Variants in NPHP4 observed in about 807,000 individuals in gnomAD.
The protein encoded by NPHP4 is nephrocystin 4.
NPHP4 carries 151 observed loss-of-function variants against 155.8 expected under a neutral mutation model. The observed-to-expected ratio is 0.97, with a 90% CI of 0.85 to 1.11. The LOEUF is 1.11. Among genes scored for constraint, NPHP4 ranks in the 50% least tolerant of loss-of-function variants. The pLI, the probability that NPHP4 is intolerant of heterozygous loss-of-function variation, is 0.00. For synonymous variants in NPHP4, 845 were observed against 816.8 expected (o/e 1.03, Z -0.59); for missense variants, 1,956 against 1,925.7 (o/e 1.02, Z -0.29).
At chr1:5,981,498 G>A (rs978222544) in intron 2 of NPHP4, among the ~76,000 whole-genome samples, 1 of 152,126 alleles carries the variant, frequency 6.6e-6, no homozygotes, top group Admixed American at 6.5e-5. Flanking sequence ...AAATGGGACA[G>A]TAAAAGAAAT....
chr1:5,896,984 C>A (rs1428545621), intron 16 of NPHP4, among the ~76,000 whole-genome samples: 1 of 152,188 alleles, frequency 6.6e-6, no homozygotes, highest in Non-Finnish European at 1.5e-5. Flanking sequence ...AGCCGGACAC[C>A]TAACACTGGG....
chr1:5,958,920 T>A (rs1649775184), intron 6 of NPHP4, among the ~76,000 whole-genome samples: 1 of 147,158 alleles, frequency 6.8e-6, no homozygotes, highest in Admixed American at 6.8e-5. Flanking sequence ...ATTTAAAAAG[T>A]TTAAAAAGTA....
Position 5,881,297 on chromosome 1 carries a change from G to A in NPHP4, c.2486-1058C>T, listed in dbSNP as rs551467277. 125 of 152,356 alleles carry A rather than the reference G, an allele frequency of 8.2e-4. 3 individuals carry two copies. The highest frequency in any genetic ancestry group is 1.4e-3 in the South Asian group (7 of 4,832). 9.4% of individuals were successfully genotyped at this position (152,356 alleles called of 1,614,324 possible). On this transcript the variant is annotated intron_variant, in intron 18 of 29. Transcript: ENST00000378156. ...CCTGTGGAGGTGAGCCATATCCTCCGTCCAACCCAGGTTCTCCTGGTGACA... is the reference window on the plus strand; with the variant it reads ...CCTGTGGAGGTGAGCCATATCCTCCATCCAACCCAGGTTCTCCTGGTGACA...
At chr1:5,935,317 A>G (rs1341217032) in intron 9 of NPHP4, among the ~76,000 whole-genome samples, 1 of 152,136 alleles carries the variant, frequency 6.6e-6, no homozygotes, top group African/African-American at 2.4e-5. Flanking sequence ...TTACTGCCAC[A>G]TTCACGCCCC....
intron 9 of NPHP4, among the ~76,000 whole-genome samples, chr1:5,938,560 G>A (rs548320674): frequency 1.3e-5 from 2 of 152,354 alleles, no homozygotes; most frequent in African/African-American, 4.8e-5. Context: ...CTGGGGGAAA[G>A]GAATCCTAAC....
intron 9 of NPHP4, among the ~76,000 whole-genome samples, chr1:5,936,502 G>T (rs1646547248): frequency 6.6e-6 from 1 of 151,856 alleles, no homozygotes; most frequent in South Asian, 2.1e-4. Flanking sequence ...ACTTGGGTTT[G>T]AATTCACACA....
chr1:5,874,812 G>A (rs1642401038), intron 21 of NPHP4, 62 bp downstream of exon 21: 3 of 1,557,276 alleles, frequency 1.9e-6, no homozygotes, highest in Non-Finnish European at 2.7e-6. Flanking sequence ...GCTCAGCAGG[G>A]GTGCCGGCTG....
chr1:5,863,776 G>A, intron 29 of NPHP4, 114 bp downstream of exon 29: 1 of 1,183,390 alleles, frequency 8.5e-7, no homozygotes, highest in Non-Finnish European at 1.2e-6. Flanking sequence ...CCGCCCTGGG[G>A]CTTTTGGAAG....
chr1:5,864,965 G>T, intron 27 of NPHP4, 137 bp downstream of exon 27: 1 of 812,880 alleles, frequency 1.2e-6, no homozygotes, highest in Non-Finnish European at 2.0e-6. Flanking sequence ...AGAGGCCTCT[G>T]GTAACAGCGT....
In NPHP4 at chr1:5,872,843, C is replaced by T. The variant is rs138088631; in HGVS notation, c.3315+409G>A. ...GTTGAGAAGCAGGTGCCTTACTATA[C>T]GGCCTTCGCTTAGCAAGGGACGTAA... On this transcript the variant is annotated intron_variant, in intron 23 of 29. Transcript: ENST00000378156. Among the ~76,000 whole-genome samples, 809 of 152,342 alleles carry T rather than the reference C, an allele frequency of 5.3e-3. 4 individuals carry two copies. The highest frequency in any genetic ancestry group is 6.2e-3 in the African/African-American group (257 of 41,582).
In NPHP4 at chr1:5,969,247, G is replaced by A; in HGVS notation, c.292C>T (p.His98Tyr). ...RIVFNEPLYFHTSLNHPHIVA... is the reference protein window; with the variant it reads ...RIVFNEPLYFYTSLNHPHIVA... ...ATATGAGGGTGGTTTAGGGATGTGTGAAAATACAAGGGCTGCAGAACAGAA... is the reference window on the plus strand; with the variant it reads ...ATATGAGGGTGGTTTAGGGATGTGTAAAAATACAAGGGCTGCAGAACAGAA... The change falls in exon 4 of 30, where the codon CAC becomes TAC. Residue 98 changes from histidine (H) to tyrosine (Y), a missense_variant. By Grantham distance (83) the His-to-Tyr change is moderately conservative (BLOSUM62 2). Coordinates refer to ENST00000378156, the MANE Select transcript of NPHP4 (RefSeq NM_015102.5). The A allele has an allele frequency of 6.4e-7, 1 of 1,561,382 alleles. No homozygotes were observed.
At chr1:5,898,453 C>T (rs780811641) in intron 16 of NPHP4, among the ~76,000 whole-genome samples, 3 of 152,230 alleles carry the variant, frequency 2.0e-5, no homozygotes, top group Non-Finnish European at 4.4e-5. Context: ...CCTCCAGGCT[C>T]ACGGGCGTGG....
chr1:5,946,272 T>C (rs926233763), intron 9 of NPHP4, among the ~76,000 whole-genome samples: 29 of 152,194 alleles, frequency 1.9e-4, no homozygotes, highest in African/African-American at 6.8e-4. Context: ...TCTCAAAGAA[T>C]CTACATTAAT....
chr1:5,947,306 C>G, intron 8 of NPHP4, 76 bp from the exon 9 acceptor site: 2 of 1,543,468 alleles, frequency 1.3e-6, no homozygotes, highest in South Asian at 2.4e-5. Context: ...CGACCACTGT[C>G]AGAACAGTCA....
chr1:5,986,028 GTA>G, intron 2 of NPHP4, 125 bp downstream of exon 2: 1 of 951,814 alleles, frequency 1.1e-6, no homozygotes, highest in Non-Finnish European at 1.6e-6. Context: ...GGCTATATGG[GTA>G]CCACCATAAA....
chr1:5,880,357 C>G, intron 18 of NPHP4, 118 bp from the exon 19 acceptor site: 4 of 980,008 alleles, frequency 4.1e-6, no homozygotes, highest in Non-Finnish European at 6.2e-6. Flanking sequence ...CCCTGACACG[C>G]TAAGGCCCCA....
At chr1:5,934,349 T>G (rs1646427587) in intron 9 of NPHP4, among the ~76,000 whole-genome samples, 1 of 152,174 alleles carries the variant, frequency 6.6e-6, no homozygotes, top group African/African-American at 2.4e-5. Context: ...GATCAGTAAG[T>G]GCTGCGGAGC....
At chr1:5,946,370 A>G (rs1647098562) in intron 9 of NPHP4, among the ~76,000 whole-genome samples, 1 of 152,242 alleles carries the variant, frequency 6.6e-6, no homozygotes, top group Non-Finnish European at 1.5e-5. Context: ...AAAGTTCCCT[A>G]TGAGAAACCA....
chr1:5,895,033 G>C (rs1238487747), intron 16 of NPHP4, among the ~76,000 whole-genome samples: 1 of 152,108 alleles, frequency 6.6e-6, no homozygotes, highest in East Asian at 1.9e-4. Flanking sequence ...GTCCTTTGTA[G>C]GGACATGGAT....
Sources: allele counts gnomAD v4.1 joint callset (sites outside exome capture counted in the v4.1 genomes callset), GRCh38; gene constraint gnomAD v4.1.1; transcripts MANE v1.5; gene names NCBI Gene and HGNC (gene_info 2026-07-23, HGNC 2026-07-21).